Variants in CILK1 observed in about 807,000 individuals in gnomAD.
CILK1 encodes ciliogenesis associated kinase 1, also known as serine/threonine-protein kinase ICK.
CILK1 carries 47 observed loss-of-function variants against 79.2 expected under a neutral mutation model. The ratio of observed to expected loss-of-function variants is 0.59; its 90% CI spans 0.47 to 0.76. The LOEUF is 0.76. Among genes scored for constraint, CILK1 ranks in the 30% least tolerant of loss-of-function variants. The pLI is 0.00. For missense variants in CILK1, 660 were observed against 769.5 expected, an observed-to-expected ratio of 0.86 and a Z score of 1.68; for synonymous variants, 266 against 275.9, an observed-to-expected ratio of 0.96 and a Z score of 0.36.
In CILK1 at chr6:53,041,211, T is replaced by G; in HGVS notation, c.26A>C (p.Gln9Pro). 1 of 1,613,910 alleles carries G rather than the reference T, an allele frequency of 6.2e-7. No individual in the cohort carries two copies. The highest frequency in any genetic ancestry group is 8.5e-7 in the Non-Finnish European group (1 of 1,179,822). Residue 9 changes from glutamine to proline, a missense_variant, in exon 2 of 14, where the codon CAG becomes CCG. By Grantham distance (76) the Gln-to-Pro change is moderately conservative (BLOSUM62 -1). Transcript: ENST00000676107. MNRYTTIRQLGDGTYGSVL... is the reference protein window; with the variant it reads MNRYTTIRPLGDGTYGSVL... The stretch of plus-strand genomic sequence containing the variant: ...GGAACCGTAGGTTCCATCCCCGAGC[T>G]GCCTGATTGTTGTGTATCTATTCAT...
intron 5 of CILK1, among the ~76,000 whole-genome samples, chr6:53,024,651 G>A (rs1449768762): frequency 6.6e-6 from 1 of 152,098 alleles, no homozygotes; most frequent in Non-Finnish European, 1.5e-5. Flanking sequence ...AAAACTCAGA[G>A]TGTTCAAAAC....
intron 1 of CILK1, among the ~76,000 whole-genome samples, chr6:53,060,265 C>G (rs1399613044): frequency 6.6e-6 from 1 of 152,138 alleles, no homozygotes; most frequent in Non-Finnish European, 1.5e-5. Flanking sequence ...GTGAAAAGGC[C>G]TTTTCTTTGT....
At chr6:53,038,357 T>C (rs569796937) in intron 2 of CILK1, among the ~76,000 whole-genome samples, 1 of 152,360 alleles carries the variant, frequency 6.6e-6, no homozygotes, top group East Asian at 1.9e-4. Flanking sequence ...CTGTCCAGGA[T>C]GGTAGCCACT....
chr6:53,032,079 G>A (rs1424144850), intron 4 of CILK1, among the ~76,000 whole-genome samples: 2 of 152,170 alleles, frequency 1.3e-5, no homozygotes, highest in African/African-American at 2.4e-5. Flanking sequence ...GTGATCGCCC[G>A]CCTTGGCCTC....
intron 1 of CILK1, among the ~76,000 whole-genome samples, chr6:53,041,958 A>G (rs1766746364): frequency 6.6e-6 from 1 of 151,906 alleles, no homozygotes; most frequent in Admixed American, 6.6e-5. Flanking sequence ...ATCCATTCCA[A>G]TGTTTAATAT....
intron 1 of CILK1, among the ~76,000 whole-genome samples, chr6:53,059,787 C>T (rs779831653): frequency 4.6e-5 from 7 of 152,188 alleles, no homozygotes; most frequent in Non-Finnish European, 1.0e-4. Context: ...GTTGCACGTC[C>T]AGAATAGATA....
chr6:53,052,888 G>A (rs1208211546), intron 1 of CILK1, among the ~76,000 whole-genome samples: 2 of 151,782 alleles, frequency 1.3e-5, no homozygotes, highest in East Asian at 3.9e-4. Context: ...GGCTGGGCGT[G>A]TGCTCTGCAG....
chr6:53,031,016 TAAC>T (rs1765920859), intron 5 of CILK1, 46 bp downstream of exon 5: 5 of 1,268,966 alleles, frequency 3.9e-6, no homozygotes, highest in Admixed American at 1.7e-5. Context: ...TTCTACTTGA[TAAC>T]AACATTTCAC....
intron 3 of CILK1, among the ~76,000 whole-genome samples, chr6:53,034,796 A>G (rs1458997664): frequency 6.6e-6 from 1 of 152,220 alleles, no homozygotes; most frequent in African/African-American, 2.4e-5. Context: ...AACAAGGACC[A>G]TCAGAGATGT....
At chr6:53,055,435 C>T (rs1348520719) in intron 1 of CILK1, among the ~76,000 whole-genome samples, 1 of 152,164 alleles carries the variant, frequency 6.6e-6, no homozygotes, top group African/African-American at 2.4e-5. Flanking sequence ...TGGACTACTG[C>T]TTTTTTTCTG....
At chr6:53,046,761 A>G (rs748050964) in intron 1 of CILK1, among the ~76,000 whole-genome samples, 14 of 152,252 alleles carry the variant, frequency 9.2e-5, no homozygotes, top group Non-Finnish European at 2.1e-4. Context: ...GGATAAGGCT[A>G]GGGTCTCTCC....
chr6:53,035,287 C>G (rs1262444136), intron 3 of CILK1, among the ~76,000 whole-genome samples: 1 of 149,800 alleles, frequency 6.7e-6, no homozygotes, highest in Non-Finnish European at 1.5e-5. Flanking sequence ...ATGGTGGGCA[C>G]ATTTATAGAC....
chr6:53,006,374 T>G lies in CILK1; in HGVS notation c.1685A>C (p.Lys562Thr). Residue 562 changes from lysine to threonine, a missense_variant, in exon 13 of 14, where the codon AAA becomes ACA. Coordinates refer to ENST00000676107, the MANE Select transcript of CILK1 (RefSeq NM_014920.5). ...TGNYVPSFLK[K>T]EIGSAMQRVH... ...CCTCTGCATAGCAGAACCGATTTCT[T>G]TTTTCAGAAAGGAAGGGACATAGTT... 6.2e-7 allele frequency: 1 copy of G among 1,614,008 alleles called. No individual in the cohort carries two copies. Among genetic ancestry groups the G allele is most frequent in the South Asian group, 1.1e-5 (1 of 91,078 alleles).
chr6:53,035,352 G>A (rs777649731), intron 3 of CILK1, among the ~76,000 whole-genome samples: 3 of 148,538 alleles, frequency 2.0e-5, no homozygotes, highest in Non-Finnish European at 3.0e-5. Flanking sequence ...GGAAGGAGGG[G>A]GAAATTGTTG....
At chr6:53,016,643 A>G (rs1764910210) in intron 7 of CILK1, among the ~76,000 whole-genome samples, 1 of 152,244 alleles carries the variant, frequency 6.6e-6, no homozygotes, top group South Asian at 2.1e-4. Flanking sequence ...TTGTTCCTGG[A>G]CAAATAAATT....
rs1008371282 is a variant in CILK1 at position 53,061,640 on chromosome 6, A to C, written c.-217T>G. The C allele has an allele frequency of 5.4e-4, 82 of 152,448 alleles. No homozygotes were observed. The highest frequency in any genetic ancestry group is 1.8e-3 in the African/African-American group (76 of 41,590). 9.4% of individuals were successfully genotyped at this position (152,448 alleles called of 1,614,324 possible). ...GGGGGCCCGCCCCTGAGGTGAGCGC[A>C]GCTCCTCGACGAGCGGGGCGCAGCC... On this transcript the variant is annotated 5_prime_UTR_variant, in exon 1 of 14. Transcript: ENST00000676107.
In CILK1 at chr6:53,018,355, C is replaced by A; in HGVS notation, c.638G>T (p.Cys213Phe). ...CTTTTTTGGTGTCCCCAGCACTTGG[C>A]AAATTTTGAATATTGTGTCAATTTC... Reference protein sequence around the residue: ...ASEIDTIFKICQVLGTPKKTD... With the variant: ...ASEIDTIFKIFQVLGTPKKTD... The change falls in exon 7 of 14, where the codon TGC becomes TTC. Residue 213 changes from cysteine to phenylalanine, a missense_variant. Coordinates refer to ENST00000676107, the MANE Select transcript of CILK1 (RefSeq NM_014920.5). The A allele has an allele frequency of 2.5e-6, 4 of 1,614,132 alleles. No individual in the cohort carries two copies. Among genetic ancestry groups the A allele is most frequent in the Non-Finnish European group, 3.4e-6 (4 of 1,180,032 alleles).
chr6:53,032,531 A>G lies in CILK1; in HGVS notation c.278+2T>C. ...AATAAGATAATGATGACCAAACTGT[A>G]CCTCTCTTTAATGAGCTGGTAAAGA... On this transcript the variant is annotated splice_donor_variant, in intron 4 of 13. Transcript: ENST00000676107. LOFTEE classifies it high-confidence loss of function. The G allele has an allele frequency of 6.2e-7, 1 of 1,602,266 alleles. No individual in the cohort carries two copies. The highest frequency in any genetic ancestry group is 8.5e-7 in the Non-Finnish European group (1 of 1,172,378).
chr6:53,005,527 A>G (rs1457751191), intron 13 of CILK1, among the ~76,000 whole-genome samples: 3 of 152,190 alleles, frequency 2.0e-5, no homozygotes, highest in Admixed American at 1.3e-4. Flanking sequence ...CATATACCAC[A>G]TATAATTTGT....
Sources: gnomAD v4.1 joint callset for allele counts (sites outside exome capture counted in the v4.1 genomes callset) on GRCh38, gnomAD v4.1.1 for gene constraint, MANE v1.5 for transcripts, NCBI Gene and HGNC (gene_info 2026-07-23, HGNC 2026-07-21) for gene names.